CSMD1: variants seen among roughly 807,000 people sequenced by gnomAD.
CSMD1 encodes CUB and Sushi multiple domains 1.
Under a neutral mutation model 417.5 loss-of-function variants are expected in CSMD1, and 213 were observed. That is an observed-to-expected ratio of 0.51 (90% CI 0.46 to 0.57). The LOEUF is 0.57. CSMD1 is among the 20% of genes least tolerant of loss of function. CSMD1 has a pLI of 0.00. For synonymous variants in CSMD1, 2,862 were observed against 1,736.8 expected (o/e 1.65, Z -16.11); for missense variants, 6,923 against 4,529.7 (o/e 1.53, Z -15.17).
chr8:3,811,741 G>T (rs571789471), intron 5 of CSMD1, among the ~76,000 whole-genome samples: 75 of 152,210 alleles, frequency 4.9e-4, no homozygotes, highest in African/African-American at 1.7e-3. Flanking sequence ...ATGCGGCGGA[G>T]AAAGGGAACC....
intron 49 of CSMD1, among the ~76,000 whole-genome samples, chr8:3,069,103 G>A (rs951580703): frequency 1.3e-5 from 2 of 151,996 alleles, no homozygotes; most frequent in Admixed American, 6.6e-5. Context: ...ATAGGTATTG[G>A]GCAAACTTTC....
In CSMD1 at chr8:3,667,982, C is replaced by G. The variant is rs114540261; in HGVS notation, c.1009+40432G>C. ...TGCGTCTTTCTAACAGAGCCCCAAT[C>G]CCGATCAATATGAGTGTCTGTGCGC... is the stretch of plus-strand genomic sequence containing the variant. On this transcript the variant is annotated intron_variant, in intron 7 of 69. Coordinates refer to ENST00000635120, the MANE Select transcript of CSMD1 (RefSeq NM_033225.6). Among the ~76,000 whole-genome samples the G allele has an allele frequency of 9.6e-3, 1,465 of 152,240 alleles. 14 individuals are homozygous for G. The highest frequency in any genetic ancestry group is 0.03 in the African/African-American group (1,241 of 41,538).
intron 20 of CSMD1, among the ~76,000 whole-genome samples, chr8:3,359,712 A>G (rs936846327): frequency 2.0e-5 from 3 of 152,150 alleles, no homozygotes; most frequent in Non-Finnish European, 4.4e-5. Context: ...GAGTAATAAT[A>G]CAGTGTACAT....
intron 7 of CSMD1, among the ~76,000 whole-genome samples, chr8:3,655,430 T>C (rs1798051789): frequency 1.3e-5 from 2 of 152,238 alleles, no homozygotes; most frequent in South Asian, 2.1e-4. Context: ...TTTAATTAGT[T>C]TATAGCATAT....
chr8:4,530,936 A>C (rs1796785720), intron 2 of CSMD1, among the ~76,000 whole-genome samples: 1 of 152,034 alleles, frequency 6.6e-6, no homozygotes, highest in Non-Finnish European at 1.5e-5. Context: ...ATGCATGCAC[A>C]CAAAAAGACA....
At chr8:4,852,511 CT>C (rs1801537721) in intron 1 of CSMD1, among the ~76,000 whole-genome samples, 1 of 152,140 alleles carries the variant, frequency 6.6e-6, no homozygotes. Context: ...AATTAAACCT[CT>C]TTCATTTATA....
At chr8:3,784,837 A>G (rs555042459) in intron 5 of CSMD1, among the ~76,000 whole-genome samples, 1 of 152,172 alleles carries the variant, frequency 6.6e-6, no homozygotes, top group East Asian at 1.9e-4. Context: ...CTGATTTTCA[A>G]CTCATCCAAT....
At chr8:3,315,629 G>A (rs1805700538) in intron 23 of CSMD1, among the ~76,000 whole-genome samples, 1 of 151,934 alleles carries the variant, frequency 6.6e-6, no homozygotes, top group African/African-American at 2.4e-5. Flanking sequence ...CAGCCCCATG[G>A]TAAGATACTC....
At chr8:3,943,852 T>G (rs1811053987) in intron 5 of CSMD1, among the ~76,000 whole-genome samples, 1 of 152,082 alleles carries the variant, frequency 6.6e-6, no homozygotes, top group Non-Finnish European at 1.5e-5. Context: ...AAATTGCCGT[T>G]TCCTATTTAG....
At chr8:3,796,709 T>G (rs1420406644) in intron 5 of CSMD1, among the ~76,000 whole-genome samples, 2 of 150,730 alleles carry the variant, frequency 1.3e-5, no homozygotes, top group African/African-American at 2.4e-5. Flanking sequence ...TGAGAATGGG[T>G]AGGAAACAAT....
chr8:4,090,750 A>G (rs764203269), intron 3 of CSMD1, among the ~76,000 whole-genome samples: 3 of 152,182 alleles, frequency 2.0e-5, no homozygotes, highest in Admixed American at 6.5e-5. Context: ...CAACACATAT[A>G]AAAATTGAAG....
At chr8:3,677,877 C>G (rs1390911288) in intron 7 of CSMD1, among the ~76,000 whole-genome samples, 1 of 152,072 alleles carries the variant, frequency 6.6e-6, no homozygotes, top group Non-Finnish European at 1.5e-5. Context: ...CATTTCAGCC[C>G]TTTTTTTCCA....
intron 2 of CSMD1, among the ~76,000 whole-genome samples, chr8:4,454,824 G>T (rs1007730610): frequency 1.3e-5 from 2 of 152,116 alleles, no homozygotes; most frequent in African/African-American, 4.8e-5. Context: ...TCAACCATAA[G>T]AAGAGCAAAG....
chr8:4,435,237 G>T (rs538455610), intron 2 of CSMD1, among the ~76,000 whole-genome samples: 15 of 152,126 alleles, frequency 9.9e-5, no homozygotes, highest in African/African-American at 3.4e-4. Flanking sequence ...ATTAAACCTT[G>T]AAAAAAATGT....
chr8:3,093,629 T>C (rs1010279962), intron 47 of CSMD1, among the ~76,000 whole-genome samples: 14 of 151,872 alleles, frequency 9.2e-5, no homozygotes, highest in Non-Finnish European at 1.0e-4. Context: ...GGTTGTGCCA[T>C]TGCACTCCAG....
At chr8:3,612,397 A>C (rs568441381) in intron 8 of CSMD1, among the ~76,000 whole-genome samples, 1 of 152,264 alleles carries the variant, frequency 6.6e-6, no homozygotes, top group East Asian at 1.9e-4. Flanking sequence ...AGATCTGACA[A>C]GTGTTAAGAA....
chr8:3,822,117 AT>A (rs961611683), intron 5 of CSMD1, among the ~76,000 whole-genome samples: 21 of 151,074 alleles, frequency 1.4e-4, no homozygotes, highest in African/African-American at 4.9e-4. Flanking sequence ...TTTCTGGACA[AT>A]TTTTTTTCTT....
intron 5 of CSMD1, among the ~76,000 whole-genome samples, chr8:3,928,170 A>AAG (rs1809879870): frequency 6.6e-6 from 1 of 152,198 alleles, no homozygotes. Flanking sequence ...TCAATGAAGC[A>AAG]GCTCAGAAAA....
chr8:3,308,732 GTTTTTT>G (rs5888961), intron 23 of CSMD1, among the ~76,000 whole-genome samples: 4 of 108,954 alleles, frequency 3.7e-5, no homozygotes, highest in East Asian at 3.3e-4. Context: ...CTACTTACAA[GTTTTTT>G]TTTTTTTTTT....
Sources: gnomAD v4.1 joint callset for allele counts (sites outside exome capture counted in the v4.1 genomes callset) on GRCh38, gnomAD v4.1.1 for gene constraint, MANE v1.5 for transcripts, NCBI Gene and HGNC (gene_info 2026-07-23, HGNC 2026-07-21) for gene names.